The following KCNAB1 variants were observed in gnomAD, a reference collection of about 807,000 sequenced individuals.
The protein encoded by KCNAB1 is voltage-gated potassium channel subunit beta-1.
Under a neutral mutation model 64.6 loss-of-function variants are expected in KCNAB1, and 35 were observed. The observed-to-expected ratio is 0.54, with a 90% CI of 0.41 to 0.72. KCNAB1 has a LOEUF of 0.72. Among genes scored for constraint, KCNAB1 ranks in the 30% least tolerant of loss-of-function variants. The pLI is 0.00. For synonymous variants in KCNAB1, 177 were observed against 183.8 expected (o/e 0.96, Z 0.30); for missense variants, 401 against 512.9 (o/e 0.78, Z 2.11).
chr3:156,527,084 GA>G (rs1718358929), intron 12 of KCNAB1, among the ~76,000 whole-genome samples: 1 of 152,098 alleles, frequency 6.6e-6, no homozygotes, highest in Non-Finnish European at 1.5e-5. Flanking sequence ...TTAGAGGGGG[GA>G]AAATGCCATG....
At chr3:156,463,794 T>A in intron 6 of KCNAB1, 48 bp downstream of exon 6, 1 of 1,438,618 alleles carries the variant, frequency 7.0e-7, no homozygotes. Flanking sequence ...AGTTCATGCT[T>A]TTTTGCTGTT....
chr3:156,312,800 T>C (rs1325553139), intron 1 of KCNAB1, among the ~76,000 whole-genome samples: 1 of 150,322 alleles, frequency 6.7e-6, no homozygotes, highest in African/African-American at 2.5e-5. Context: ...AAAAGATTAC[T>C]GCAGACTCAA....
intron 1 of KCNAB1, among the ~76,000 whole-genome samples, chr3:156,300,935 G>T (rs1365540064): frequency 6.6e-6 from 1 of 152,124 alleles, no homozygotes; most frequent in Admixed American, 6.6e-5. Context: ...AACATAGGAG[G>T]TTTAAATATA....
chr3:156,199,157 C>T (rs1714163601), intron 1 of KCNAB1, among the ~76,000 whole-genome samples: 1 of 152,086 alleles, frequency 6.6e-6, no homozygotes, highest in South Asian at 2.1e-4. Context: ...CCACTCTCTT[C>T]TGAGTTGTAG....
At chr3:156,272,549 C>T (rs1045668995) in intron 1 of KCNAB1, among the ~76,000 whole-genome samples, 1 of 152,028 alleles carries the variant, frequency 6.6e-6, no homozygotes, top group African/African-American at 2.4e-5. Context: ...GACCCAGGGG[C>T]TTTTCAGTCT....
intron 1 of KCNAB1, among the ~76,000 whole-genome samples, chr3:156,274,370 AC>A (rs1314846253): frequency 2.6e-5 from 4 of 152,196 alleles, no homozygotes; most frequent in East Asian, 1.9e-4. Context: ...AAGAGAAATT[AC>A]CTATGCTTTC....
chr3:156,425,567 CAG>C (rs1409037004), intron 2 of KCNAB1, among the ~76,000 whole-genome samples: 1 of 152,150 alleles, frequency 6.6e-6, no homozygotes, highest in Non-Finnish European at 1.5e-5. Context: ...GGAATAAACT[CAG>C]AGTGACCAAA....
chr3:156,442,164 G>C (rs556483682), intron 2 of KCNAB1, among the ~76,000 whole-genome samples: 2 of 152,242 alleles, frequency 1.3e-5, no homozygotes, highest in East Asian at 3.9e-4. Context: ...AGGAAATTAA[G>C]CCATTAATTT....
intron 1 of KCNAB1, among the ~76,000 whole-genome samples, chr3:156,180,920 A>G (rs1250618275): frequency 2.0e-5 from 3 of 152,162 alleles, no homozygotes; most frequent in Non-Finnish European, 4.4e-5. Flanking sequence ...AGGAACAGAA[A>G]TTTATTTTCT....
chr3:156,436,252 C>A (rs1045750756), intron 2 of KCNAB1, among the ~76,000 whole-genome samples: 8 of 152,106 alleles, frequency 5.3e-5, no homozygotes, highest in African/African-American at 1.9e-4. Context: ...CATCTCATTC[C>A]TTTTTATGGC....
chr3:156,310,944 G>A (rs1489599385), intron 1 of KCNAB1, among the ~76,000 whole-genome samples: 2 of 152,204 alleles, frequency 1.3e-5, no homozygotes, highest in African/African-American at 4.8e-5. Context: ...ATGTGGGGAG[G>A]ACTGGAACTC....
At chr3:156,478,293 A>G (rs1337387264) in intron 8 of KCNAB1, among the ~76,000 whole-genome samples, 2 of 152,252 alleles carry the variant, frequency 1.3e-5, no homozygotes, top group South Asian at 2.1e-4. Context: ...GTTGCCAAGT[A>G]TATATTGTTG....
At chr3:156,279,596 G>T (rs1224926553) in intron 1 of KCNAB1, among the ~76,000 whole-genome samples, 3 of 151,892 alleles carry the variant, frequency 2.0e-5, no homozygotes, top group Non-Finnish European at 4.4e-5. Context: ...GTGTAAAAGT[G>T]TTCCTATTTC....
At chr3:156,255,280 T>C (rs1408362608) in intron 1 of KCNAB1, among the ~76,000 whole-genome samples, 1 of 152,166 alleles carries the variant, frequency 6.6e-6, no homozygotes, top group Non-Finnish European at 1.5e-5. Flanking sequence ...TTAATATCAT[T>C]AGGTTGAAGT....
At chr3:156,417,838 G>C (rs1715185882) in intron 1 of KCNAB1, among the ~76,000 whole-genome samples, 1 of 152,206 alleles carries the variant, frequency 6.6e-6, no homozygotes, top group African/African-American at 2.4e-5. Context: ...TCACCGAGTG[G>C]AGAGTCTGCC....
chr3:156,521,884 G>A (rs943236221), intron 11 of KCNAB1, among the ~76,000 whole-genome samples: 11 of 151,462 alleles, frequency 7.3e-5, no homozygotes, highest in African/African-American at 2.7e-4. Flanking sequence ...ATTTCCATAG[G>A]TTAAAGCAAC....
At chr3:156,232,383 G>GAAAATCTTTC (rs1716583903) in intron 1 of KCNAB1, among the ~76,000 whole-genome samples, 1 of 152,234 alleles carries the variant, frequency 6.6e-6, no homozygotes, top group Admixed American at 6.5e-5. Context: ...TTACACTTCT[G>GAAAATCTTTC]TTTTGGATTT....
intron 2 of KCNAB1, among the ~76,000 whole-genome samples, chr3:156,433,758 A>G (rs564079692): frequency 3.2e-4 from 49 of 152,244 alleles, no homozygotes; most frequent in African/African-American, 1.2e-3. Flanking sequence ...TAAGTTTTCT[A>G]TTTACTCCTC....
chr3:156,168,813 G>C (rs1043397916), intron 1 of KCNAB1, among the ~76,000 whole-genome samples: 1 of 152,124 alleles, frequency 6.6e-6, no homozygotes, highest in Non-Finnish European at 1.5e-5. Flanking sequence ...AAAGAAATTT[G>C]TACTGAAAAA....
Sources: gnomAD v4.1 joint callset for allele counts (sites outside exome capture counted in the v4.1 genomes callset) on GRCh38, gnomAD v4.1.1 for gene constraint, MANE v1.5 for transcripts, NCBI Gene and HGNC (gene_info 2026-07-23, HGNC 2026-07-21) for gene names.